ATP10A: variants seen among roughly 807,000 people sequenced by gnomAD.
The protein encoded by ATP10A is phospholipid-transporting ATPase VA.
ATP10A carries 111 observed loss-of-function variants against 147.8 expected under a neutral mutation model. The observed-to-expected ratio is 0.75, with a 90% CI of 0.64 to 0.88. The LOEUF is 0.88. Among genes scored for constraint, ATP10A ranks in the 40% least tolerant of loss-of-function variants. The pLI, the probability that ATP10A is intolerant of heterozygous loss-of-function variation, is 0.00. For synonymous variants in ATP10A, 875 were observed against 841.6 expected, an observed-to-expected ratio of 1.04 and a Z score of -0.69; for missense variants, 1,927 against 1,959.0, an observed-to-expected ratio of 0.98 and a Z score of 0.31.
chr15:25,768,131 C>T (rs1006330013), intron 2 of ATP10A, among the ~76,000 whole-genome samples: 6 of 152,208 alleles, frequency 3.9e-5, no homozygotes, highest in Admixed American at 3.9e-4. Flanking sequence ...AGAGGGAACC[C>T]CAAGTGCTGG....
chr15:25,696,201 G>A (rs1254794774), intron 13 of ATP10A, among the ~76,000 whole-genome samples: 1 of 152,212 alleles, frequency 6.6e-6, no homozygotes, highest in Non-Finnish European at 1.5e-5. Flanking sequence ...CACGCTTACT[G>A]AGGATCCTTT....
intron 1 of ATP10A, among the ~76,000 whole-genome samples, chr15:25,840,609 T>C (rs1015054338): frequency 1.3e-5 from 2 of 152,208 alleles, no homozygotes; most frequent in African/African-American, 4.8e-5. Flanking sequence ...AAAAAAATGC[T>C]GCGATGAACA....
chr15:25,861,208 T>C (rs1191521641), intron 1 of ATP10A, among the ~76,000 whole-genome samples: 1 of 152,210 alleles, frequency 6.6e-6, no homozygotes, highest in African/African-American at 2.4e-5. Context: ...GCTAATCTAA[T>C]ACATTCCTGG....
chr15:25,677,789 T>C (rs1001114368), downstream of ATP10A: 1 of 152,218 alleles, frequency 6.6e-6, no homozygotes, highest in Non-Finnish European at 1.5e-5. Flanking sequence ...GCTCAGGTGT[T>C]CTAAGGGAAG....
Position 25,694,930 on chromosome 15 carries a change from A to G in ATP10A, c.2977T>C (p.Phe993Leu). ...LEKNLEDKFL[F>L]LAKQCRSVLC... ...ACGGAGCGGCACTGCTTGGCAAGGA[A>G]GAGGAATTTGTCCTCCAGGTTTTTC... Residue 993 changes from phenylalanine to leucine, a missense_variant, in exon 14 of 21, where the codon TTC (phenylalanine) becomes CTC (leucine). Coordinates refer to ENST00000555815, the MANE Select transcript of ATP10A (RefSeq NM_024490.4). The G allele has an allele frequency of 6.2e-7, 1 of 1,614,176 alleles. No homozygotes were observed. The highest frequency in any genetic ancestry group is 8.5e-7 in the Non-Finnish European group (1 of 1,180,038).
intron 1 of ATP10A, 97 bp from the exon 2 acceptor site, chr15:25,781,320 C>T (rs949116795): frequency 3.8e-6 from 4 of 1,050,592 alleles, no homozygotes; most frequent in Admixed American, 2.3e-5. Context: ...ATTCTTTCTA[C>T]ATTTGCATAG....
chr15:25,769,412 G>A (rs548020924), intron 2 of ATP10A, among the ~76,000 whole-genome samples: 31 of 149,094 alleles, frequency 2.1e-4, no homozygotes, highest in Admixed American at 4.8e-4. Flanking sequence ...CTTGAACCTG[G>A]GGGGGCGGAG....
rs1206508387 is a variant in ATP10A, at chr15:25,723,948, G to A, written c.1053C>T (p.Ser351=). 3.7e-6 allele frequency: 6 copies of A among 1,611,384 alleles called. No individual in the cohort carries two copies. The Admixed American group carries it at 5.1e-5, about 14-fold the overall frequency. ...LFYVPKSDGS[S]LSPVTAAVYS... is the part of the protein sequence containing the mutation. ...AAACTGCAGCTGTGACTGGGGATAAGGAGCTTCCATCAGACTTGGGGACAT... is the reference window on the plus strand; with the variant it reads ...AAACTGCAGCTGTGACTGGGGATAAAGAGCTTCCATCAGACTTGGGGACAT... The change falls in exon 6 of 21, where the codon TCC becomes TCT. Residue 351 remains serine, a synonymous_variant. Transcript: ENST00000555815.
At chr15:25,686,534 C>G (rs1223507342) in intron 16 of ATP10A, among the ~76,000 whole-genome samples, 1 of 106,750 alleles carries the variant, frequency 9.4e-6, no homozygotes, top group Non-Finnish European at 1.7e-5. Context: ...CAGTTTAGAG[C>G]TAGCTAACTG....
At chr15:25,820,052 A>C (rs749140049) in intron 1 of ATP10A, among the ~76,000 whole-genome samples, 1 of 152,198 alleles carries the variant, frequency 6.6e-6, no homozygotes, top group Non-Finnish European at 1.5e-5. Flanking sequence ...AATTTATACA[A>C]ATTTTTAAAC....
At chr15:25,803,886 G>A (rs1567396870) in intron 1 of ATP10A, among the ~76,000 whole-genome samples, 2 of 152,240 alleles carry the variant, frequency 1.3e-5, no homozygotes, top group Non-Finnish European at 2.9e-5. Flanking sequence ...ACGTGCTGCT[G>A]CTGGTCTGCC....
At chr15:25,728,840 T>C (rs565896122) in intron 3 of ATP10A, among the ~76,000 whole-genome samples, 5 of 152,200 alleles carry the variant, frequency 3.3e-5, no homozygotes, top group Non-Finnish European at 7.3e-5. Context: ...TACAGGTCCA[T>C]GCCAGAAGGA....
At chr15:25,689,913 G>A (rs1025012139) in intron 15 of ATP10A, among the ~76,000 whole-genome samples, 1 of 152,226 alleles carries the variant, frequency 6.6e-6, no homozygotes, top group Non-Finnish European at 1.5e-5. Context: ...TTTACTAGAC[G>A]AGTTTCCAAG....
At chr15:25,809,420 G>A in intron 1 of ATP10A, among the ~76,000 whole-genome samples, 1 of 152,122 alleles carries the variant, frequency 6.6e-6, no homozygotes, top group East Asian at 1.9e-4. Flanking sequence ...TAAAATCACA[G>A]AGAAGGAAAA....
intron 1 of ATP10A, among the ~76,000 whole-genome samples, chr15:25,845,644 G>T (rs1192955118): frequency 6.6e-6 from 1 of 152,090 alleles, no homozygotes; most frequent in Non-Finnish European, 1.5e-5. Context: ...TAAACACCCA[G>T]CCAGGGCCCG....
rs538476459 is a variant in ATP10A, at chr15:25,803,835, G to T, written c.450-22612C>A. ...CTGAGTGTAACCGGGAGCCGCTGCTGCCCTCCCAGGCACAGACTCCCATCA... is the reference window on the plus strand; with the variant it reads ...CTGAGTGTAACCGGGAGCCGCTGCTTCCCTCCCAGGCACAGACTCCCATCA... On this transcript the variant is annotated intron_variant, in intron 1 of 20. Coordinates refer to ENST00000555815, the MANE Select transcript of ATP10A (RefSeq NM_024490.4). 2.0e-5 allele frequency among the ~76,000 whole-genome samples: 3 copies of T among 152,334 alleles called. No homozygotes were observed. In the South Asian group the frequency reaches 6.2e-4, roughly 32 times the overall value.
chr15:25,696,096 G>T (rs1167273788), intron 13 of ATP10A, among the ~76,000 whole-genome samples: 2 of 152,194 alleles, frequency 1.3e-5, no homozygotes, highest in African/African-American at 4.8e-5. Context: ...GCTCCGGGGA[G>T]CCTGGGCAGC....
intron 1 of ATP10A, among the ~76,000 whole-genome samples, chr15:25,822,648 C>G (rs758201423): frequency 6.6e-6 from 1 of 152,206 alleles, no homozygotes; most frequent in African/African-American, 2.4e-5. Flanking sequence ...ACTCCAAGGA[C>G]AAACCTAGTC....
intron 3 of ATP10A, among the ~76,000 whole-genome samples, chr15:25,733,885 C>T (rs562087306): frequency 6.6e-6 from 1 of 152,236 alleles, no homozygotes; most frequent in Non-Finnish European, 1.5e-5. Context: ...GGTGAGGACA[C>T]CACAGGAGGA....
Sources: gnomAD v4.1 joint callset for allele counts (sites outside exome capture counted in the v4.1 genomes callset) on GRCh38, gnomAD v4.1.1 for gene constraint, MANE v1.5 for transcripts, NCBI Gene and HGNC (gene_info 2026-07-23, HGNC 2026-07-21) for gene names.